The following RYR3 variants were observed in gnomAD, a reference collection of about 807,000 sequenced individuals.
The protein encoded by RYR3 is brain ryanodine receptor-calcium release channel.
In RYR3, 207 loss-of-function variants were observed where a neutral mutation model predicts 584.3. The observed-to-expected ratio is 0.35, with a 90% confidence interval of 0.32 to 0.40. RYR3 has a LOEUF of 0.40. Ranked by LOEUF, RYR3 falls within the 10% of genes least tolerant of loss-of-function variation. The pLI is 1.00. For missense variants in RYR3, 5,616 were observed against 6,089.2 expected (o/e 0.92, Z 2.59); for synonymous variants, 2,416 against 2,248.5 (o/e 1.07, Z -2.11).
At chr15:33,805,667 CA>C (rs1449472732) in intron 69 of RYR3, among the ~76,000 whole-genome samples, 11 of 151,484 alleles carry the variant, frequency 7.3e-5, no homozygotes, top group African/African-American at 2.4e-4. Flanking sequence ...TTAGTAGAGA[CA>C]GGGTTTCACT....
At chr15:33,703,630 T>C (rs891355307) in intron 42 of RYR3, among the ~76,000 whole-genome samples, 3 of 150,200 alleles carry the variant, frequency 2.0e-5, no homozygotes, top group Non-Finnish European at 2.9e-5. Context: ...TTCTGGGATA[T>C]TGAGGGTTAG....
chr15:33,534,096 G>A (rs1025762479), intron 5 of RYR3, among the ~76,000 whole-genome samples: 1 of 152,172 alleles, frequency 6.6e-6, no homozygotes, highest in Non-Finnish European at 1.5e-5. Context: ...AGCATCAGAA[G>A]GTTTAAAAGG....
chr15:33,335,340 A>G (rs149492379), intron 1 of RYR3, among the ~76,000 whole-genome samples: 14 of 152,366 alleles, frequency 9.2e-5, no homozygotes, highest in African/African-American at 3.1e-4. Flanking sequence ...ATGGAATACT[A>G]TGCAGCCATA....
intron 66 of RYR3, among the ~76,000 whole-genome samples, chr15:33,786,532 C>T (rs1188086491): frequency 1.3e-5 from 2 of 151,344 alleles, no homozygotes; most frequent in Non-Finnish European, 2.9e-5. Context: ...ACAGCCAGCT[C>T]TCAATGAATG....
chr15:33,823,604 T>C (rs547061240), intron 81 of RYR3, among the ~76,000 whole-genome samples: 4 of 152,200 alleles, frequency 2.6e-5, no homozygotes, highest in Non-Finnish European at 5.9e-5. Context: ...CATTTTGACA[T>C]AGCCTAAAAA....
chr15:33,634,099 T>TG (rs535883644), intron 24 of RYR3, among the ~76,000 whole-genome samples: 1 of 152,216 alleles, frequency 6.6e-6, no homozygotes, highest in South Asian at 2.1e-4. Flanking sequence ...TCGCCCAGGC[T>TG]GGAGTGCAGT....
intron 5 of RYR3, among the ~76,000 whole-genome samples, chr15:33,533,645 T>C (rs2055069067): frequency 6.6e-6 from 1 of 152,200 alleles, no homozygotes; most frequent in South Asian, 2.1e-4. Flanking sequence ...TTTAACGTTG[T>C]TAGGTATTGA....
At chr15:33,619,457 G>A (rs1444271937) in intron 19 of RYR3, among the ~76,000 whole-genome samples, 3 of 152,128 alleles carry the variant, frequency 2.0e-5, no homozygotes, top group African/African-American at 7.2e-5. Flanking sequence ...ATGAGGCAAA[G>A]GATTTAAAAG....
At chr15:33,544,256 G>T (rs986303535) in intron 8 of RYR3, among the ~76,000 whole-genome samples, 1 of 151,978 alleles carries the variant, frequency 6.6e-6, no homozygotes, top group Middle Eastern at 3.4e-3. Context: ...AGTCTTAAAC[G>T]CATACTAAAG....
chr15:33,811,019 C>G lies in RYR3; in HGVS notation c.10239C>G (p.Asn3413Lys), dbSNP rs749028805. ...AGGTCAGAGAACATCTGCGGAACAA[C>G]TTGCACTTGCAGGAAAAGGTGATGA... ...DEEVREHLRNNLHLQEKSDDP... is the reference protein window; with the variant it reads ...DEEVREHLRNKLHLQEKSDDP... Residue 3413 changes from asparagine to lysine, a missense_variant, in exon 72 of 104, where the codon AAC (asparagine) becomes AAG (lysine). This residue lies in a region of RYR3 where 954 missense variants were observed against 1,132.2 expected (regional missense o/e 0.84). Coordinates refer to ENST00000634891, the MANE Select transcript of RYR3 (RefSeq NM_001036.6). The G allele has an allele frequency of 1.2e-6, 2 of 1,608,902 alleles. No individual in the cohort carries two copies. The highest frequency in any genetic ancestry group is 1.7e-6 in the Non-Finnish European group (2 of 1,177,806).
chr15:33,799,068 A>T (rs1274944736), intron 67 of RYR3, among the ~76,000 whole-genome samples: 1 of 152,166 alleles, frequency 6.6e-6, no homozygotes, highest in Non-Finnish European at 1.5e-5. Flanking sequence ...TAACTAAAGG[A>T]AGACAATAGT....
At chr15:33,387,997 A>G (rs1011239261) in intron 1 of RYR3, among the ~76,000 whole-genome samples, 39 of 152,206 alleles carry the variant, frequency 2.6e-4, no homozygotes, top group African/African-American at 8.4e-4. Flanking sequence ...AACAAGAATG[A>G]AGGGAGCCAC....
At chr15:33,588,655 C>T (rs1024648051) in intron 16 of RYR3, among the ~76,000 whole-genome samples, 19 of 152,150 alleles carry the variant, frequency 1.2e-4, no homozygotes, top group Admixed American at 9.8e-4. Flanking sequence ...TCTCTATGTC[C>T]GCATCTCCAC....
intron 18 of RYR3, among the ~76,000 whole-genome samples, chr15:33,612,232 T>G (rs192774334): frequency 7.2e-5 from 11 of 152,328 alleles, no homozygotes; most frequent in Admixed American, 7.2e-4. Flanking sequence ...AAATAATAAA[T>G]CATCTAATGA....
intron 48 of RYR3, among the ~76,000 whole-genome samples, chr15:33,732,396 A>AT: frequency 6.6e-6 from 1 of 151,794 alleles, no homozygotes; most frequent in Middle Eastern, 3.4e-3. Flanking sequence ...TCAAAAAAAA[A>AT]AAAAAAGCGA....
At chr15:33,418,171 A>G (rs1233698019) in intron 1 of RYR3, among the ~76,000 whole-genome samples, 1 of 152,112 alleles carries the variant, frequency 6.6e-6, no homozygotes, top group Non-Finnish European at 1.5e-5. Flanking sequence ...AGATTTGGGT[A>G]TCAGAATGAC....
intron 23 of RYR3, 58 bp from the exon 24 acceptor site, chr15:33,632,891 C>A: frequency 2.0e-6 from 3 of 1,490,388 alleles, no homozygotes; most frequent in East Asian, 4.5e-5. Context: ...GTCTAAAATC[C>A]GGAATGAGAA....
At chr15:33,351,525 A>G (rs1360008616) in intron 1 of RYR3, among the ~76,000 whole-genome samples, 24 of 151,202 alleles carry the variant, frequency 1.6e-4, no homozygotes, top group Non-Finnish European at 3.0e-4. Context: ...ATACTGGCAA[A>G]CCGAATCCAG....
At chr15:33,331,973 T>C (rs994937429) in intron 1 of RYR3, among the ~76,000 whole-genome samples, 23 of 152,054 alleles carry the variant, frequency 1.5e-4, no homozygotes, top group Admixed American at 8.5e-4. Context: ...ACAGTGATTT[T>C]AGACTTTAAG....
Sources: gnomAD v4.1 joint callset for allele counts (sites outside exome capture counted in the v4.1 genomes callset) on GRCh38, gnomAD v4.1.1 for gene constraint, gnomAD v4.1.1 regional missense constraint, MANE v1.5 for transcripts, NCBI Gene and HGNC (gene_info 2026-07-23, HGNC 2026-07-21) for gene names.